RALGAPA2: variants seen among roughly 807,000 people sequenced by gnomAD.
The protein encoded by RALGAPA2 is ral GTPase-activating protein subunit alpha-2.
Under a neutral mutation model 230.4 loss-of-function variants are expected in RALGAPA2, and 139 were observed. That is an observed-to-expected ratio of 0.60 (90% CI 0.53 to 0.69). The LOEUF (loss-of-function observed/expected upper bound fraction) is 0.69. RALGAPA2 is among the 30% of genes least tolerant of loss of function. The pLI is 0.00. For missense variants in RALGAPA2, 2,163 were observed against 2,276.0 expected (o/e 0.95, Z 1.01); for synonymous variants, 847 against 837.8 (o/e 1.01, Z -0.19).
At chr20:20,453,134 G>C (rs1044045401) in intron 37 of RALGAPA2, among the ~76,000 whole-genome samples, 1 of 152,182 alleles carries the variant, frequency 6.6e-6, no homozygotes, top group Admixed American at 6.5e-5. Context: ...TCATAATTGT[G>C]CCTTCCTGAT....
intron 16 of RALGAPA2, among the ~76,000 whole-genome samples, chr20:20,600,995 G>A (rs2065626872): frequency 6.6e-6 from 1 of 152,130 alleles, no homozygotes; most frequent in Non-Finnish European, 1.5e-5. Context: ...AGCTACTCAG[G>A]AGGCTGAGGC....
intron 37 of RALGAPA2, among the ~76,000 whole-genome samples, chr20:20,461,330 T>C (rs1037701631): frequency 1.3e-5 from 2 of 152,232 alleles, no homozygotes; most frequent in African/African-American, 2.4e-5. Flanking sequence ...TAACTTACAT[T>C]TTTACTGATA....
At chr20:20,449,370 G>C (rs1043796354) in intron 37 of RALGAPA2, among the ~76,000 whole-genome samples, 14 of 152,150 alleles carry the variant, frequency 9.2e-5, no homozygotes, top group Admixed American at 5.2e-4. Context: ...AATGACAGTC[G>C]GTGGGGCAAT....
At chr20:20,562,044 C>G (rs1449910472) in intron 23 of RALGAPA2, among the ~76,000 whole-genome samples, 1 of 152,180 alleles carries the variant, frequency 6.6e-6, no homozygotes, top group African/African-American at 2.4e-5. Context: ...TAGCTCACCA[C>G]AGTAGAAAGT....
chr20:20,518,847 A>T (rs767310673), intron 31 of RALGAPA2, among the ~76,000 whole-genome samples: 4 of 152,236 alleles, frequency 2.6e-5, no homozygotes, highest in Non-Finnish European at 4.4e-5. Flanking sequence ...ACTTTAGGAA[A>T]AAACAAGTTA....
intron 4 of RALGAPA2, among the ~76,000 whole-genome samples, chr20:20,653,054 G>A (rs1272093328): frequency 6.6e-6 from 1 of 151,516 alleles, no homozygotes; most frequent in Non-Finnish European, 1.5e-5. Context: ...AAATTAGCCG[G>A]GCATGGTGGC....
In RALGAPA2 at chr20:20,505,442, T is replaced by A. The variant is rs1426660041; in HGVS notation, c.5021A>T (p.Tyr1674Phe). The change falls in exon 34 of 40, where the codon TAT (tyrosine) becomes TTT (phenylalanine). Residue 1674 changes from tyrosine to phenylalanine, a missense_variant. Physicochemically the swap from Tyr to Phe is conservative, Grantham distance 22 (BLOSUM62 3). Transcript: ENST00000202677. ...ILSNERGSQAYEDFVAGLGWE... is the reference protein window; with the variant it reads ...ILSNERGSQAFEDFVAGLGWE... The stretch of plus-strand genomic sequence containing the variant: ...TCCAAGTCCAGCAACAAAGTCTTCA[T>A]ATGCTTGGCTTCCTCTTTCATTAGA... 2 of 1,601,754 alleles carry A rather than the reference T, an allele frequency of 1.2e-6. No homozygotes were observed. The highest frequency in any genetic ancestry group is 1.7e-6 in the Non-Finnish European group (2 of 1,173,432).
chr20:20,606,814 A>ATT (rs1203230665), intron 14 of RALGAPA2, among the ~76,000 whole-genome samples: 1 of 152,192 alleles, frequency 6.6e-6, no homozygotes, highest in Non-Finnish European at 1.5e-5. Flanking sequence ...AATTATGCCT[A>ATT]TATGCTGGAT....
chr20:20,413,717 C>T (rs544737786), intron 37 of RALGAPA2, among the ~76,000 whole-genome samples: 2 of 152,230 alleles, frequency 1.3e-5, no homozygotes, highest in Non-Finnish European at 2.9e-5. Flanking sequence ...TTCTATACAA[C>T]CTCAAGCAAG....
chr20:20,689,866 G>A (rs1206425524), intron 1 of RALGAPA2, among the ~76,000 whole-genome samples: 1 of 152,070 alleles, frequency 6.6e-6, no homozygotes, highest in African/African-American at 2.4e-5. Flanking sequence ...TCAGTTCCTG[G>A]CCTGTCATCT....
intron 37 of RALGAPA2, among the ~76,000 whole-genome samples, chr20:20,469,582 T>C (rs2061494113): frequency 6.6e-6 from 1 of 152,208 alleles, no homozygotes; most frequent in Non-Finnish European, 1.5e-5. Flanking sequence ...TCTATTGAAG[T>C]GGACGTTTAT....
chr20:20,619,199 A>C, intron 12 of RALGAPA2, 78 bp downstream of exon 12: 1 of 1,348,536 alleles, frequency 7.4e-7, no homozygotes, highest in Non-Finnish European at 9.8e-7. Context: ...ATATGACATT[A>C]TCCCCAATAA....
chr20:20,703,818 G>C (rs1009735129), intron 1 of RALGAPA2, among the ~76,000 whole-genome samples: 1 of 152,158 alleles, frequency 6.6e-6, no homozygotes, highest in Non-Finnish European at 1.5e-5. Flanking sequence ...GGGTTCCTAT[G>C]TCCCACCTTA....
At chr20:20,401,370 A>G (rs2059832899) in intron 38 of RALGAPA2, among the ~76,000 whole-genome samples, 1 of 152,194 alleles carries the variant, frequency 6.6e-6, no homozygotes, top group Non-Finnish European at 1.5e-5. Flanking sequence ...AGATGCCACC[A>G]GCACCTCTCC....
chr20:20,402,050 C>T (rs988403217), intron 38 of RALGAPA2, among the ~76,000 whole-genome samples: 2 of 152,182 alleles, frequency 1.3e-5, no homozygotes, highest in Non-Finnish European at 2.9e-5. Flanking sequence ...GGGTGGGTCC[C>T]CCACAGCAGG....
In RALGAPA2 at chr20:20,632,978, A is replaced by T. The variant is rs576091597; in HGVS notation, c.1005+2440T>A. On this transcript the variant is annotated intron_variant, in intron 9 of 39. Coordinates refer to ENST00000202677, the MANE Select transcript of RALGAPA2 (RefSeq NM_020343.4). The stretch of plus-strand genomic sequence containing the variant: ...CACTTTTTTTTTTTTAAATAAAGTC[A>T]AACCTCATTTCTTCCACGGCTACTG... Among the ~76,000 whole-genome samples, 3 of 151,968 alleles carry T rather than the reference A, an allele frequency of 2.0e-5. No individual in the cohort carries two copies. The South Asian group carries it at 6.3e-4, about 32-fold the overall frequency.
In RALGAPA2 at chr20:20,526,261, T is replaced by C; in HGVS notation, c.3684A>G (p.Lys1228=). 2 of 1,592,456 alleles carry C rather than the reference T, an allele frequency of 1.3e-6. No individual in the cohort carries two copies. Among genetic ancestry groups the C allele is most frequent in the Non-Finnish European group, 1.7e-6 (2 of 1,164,456 alleles). ...AGAAAAAAAGACTTACTTCTGCCAT[T>C]TTCCGAGGCAGAGAGGTTTCAAACA... ...LQMFETSLPR[K]MAEILVATVA... is the part of the protein sequence containing the mutation. The change falls in exon 28 of 40, where the codon AAA becomes AAG. Residue 1228 remains lysine (K), a synonymous_variant. Coordinates refer to ENST00000202677, the MANE Select transcript of RALGAPA2 (RefSeq NM_020343.4).
intron 36 of RALGAPA2, among the ~76,000 whole-genome samples, chr20:20,474,469 T>C (rs2061607095): frequency 6.6e-6 from 1 of 152,202 alleles, no homozygotes; most frequent in South Asian, 2.1e-4. Context: ...TTGGCACCTG[T>C]GTTGACAAAA....
chr20:20,401,921 T>C (rs895170370), intron 38 of RALGAPA2, among the ~76,000 whole-genome samples: 1 of 152,220 alleles, frequency 6.6e-6, no homozygotes, highest in African/African-American at 2.4e-5. Flanking sequence ...TCTTTGCCAC[T>C]GTATAAATTG....
Sources: allele counts gnomAD v4.1 joint callset (sites outside exome capture counted in the v4.1 genomes callset), GRCh38; gene constraint gnomAD v4.1.1; transcripts MANE v1.5; gene names NCBI Gene and HGNC (gene_info 2026-07-23, HGNC 2026-07-21).